The following SGPL1 variants were observed in gnomAD, a reference collection of about 807,000 sequenced individuals.
SGPL1 encodes the protein sphingosine-1-phosphate lyase 1.
SGPL1 carries 37 observed loss-of-function variants against 68.9 expected under a neutral mutation model. That is an observed-to-expected ratio of 0.54 (90% CI 0.41 to 0.71). SGPL1 has a LOEUF of 0.71. Ranked by LOEUF, SGPL1 falls within the 30% of genes least tolerant of loss-of-function variation. The pLI is 0.00. For missense variants in SGPL1, 551 were observed against 704.6 expected, an observed-to-expected ratio of 0.78 and a Z score of 2.47; for synonymous variants, 236 against 248.5, an observed-to-expected ratio of 0.95 and a Z score of 0.47.
chr10:70,839,480 GC>G (rs1845683158), intron 2 of SGPL1, among the ~76,000 whole-genome samples: 1 of 151,902 alleles, frequency 6.6e-6, no homozygotes, highest in Non-Finnish European at 1.5e-5. Context: ...CCCCTTCCCT[GC>G]CCAGGCACAC....
chr10:70,834,381 C>T (rs1275536699), intron 2 of SGPL1, among the ~76,000 whole-genome samples: 1 of 152,142 alleles, frequency 6.6e-6, no homozygotes, highest in Non-Finnish European at 1.5e-5. Context: ...TAGTTTGAAA[C>T]CAGGGAAGGC....
intron 2 of SGPL1, 106 bp from the exon 3 acceptor site, chr10:70,844,367 C>G: frequency 3.0e-6 from 3 of 986,696 alleles, no homozygotes. Flanking sequence ...AGGGCAAGAT[C>G]CGGAATGACC....
chr10:70,821,815 C>G (rs1439164378), intron 2 of SGPL1, among the ~76,000 whole-genome samples: 2 of 152,084 alleles, frequency 1.3e-5, no homozygotes, highest in Non-Finnish European at 2.9e-5. Flanking sequence ...GTTAACGTGT[C>G]TGTTATTGTC....
At chr10:70,853,664 T>C (rs1845920485) in intron 4 of SGPL1, among the ~76,000 whole-genome samples, 1 of 152,086 alleles carries the variant, frequency 6.6e-6, no homozygotes, top group Non-Finnish European at 1.5e-5. Context: ...GAATATGCAG[T>C]GAATATGAAT....
rs984381966 is a variant in SGPL1 at position 70,880,882 on chromosome 10, T to A, written c.*3547T>A. ...AGGAAGTCGTGTCTGGGGTGCTTATTGCTGCTCCATACAGCTGTACGTCAG... is the reference window on the plus strand; with the variant it reads ...AGGAAGTCGTGTCTGGGGTGCTTATAGCTGCTCCATACAGCTGTACGTCAG... On this transcript the variant is annotated 3_prime_UTR_variant, in exon 15 of 15. Transcript: ENST00000373202. 4 of 152,170 alleles carry A rather than the reference T, an allele frequency of 2.6e-5. No homozygotes were observed. Among genetic ancestry groups the A allele is most frequent in the African/African-American group, 9.7e-5 (4 of 41,438 alleles). 9.4% of individuals were successfully genotyped at this position (152,170 alleles called of 1,614,324 possible). A position where few individuals can be genotyped will look rare whatever the true frequency, so the allele number is the denominator to read the frequency against.
intron 2 of SGPL1, among the ~76,000 whole-genome samples, chr10:70,841,291 C>G (rs1158847658): frequency 6.6e-6 from 1 of 152,082 alleles, no homozygotes; most frequent in Non-Finnish European, 1.5e-5. Flanking sequence ...ATGTTAATTA[C>G]CTTATACCAC....
intron 4 of SGPL1, among the ~76,000 whole-genome samples, 194 bp downstream of exon 4, chr10:70,851,404 C>A (rs528585385): frequency 4.6e-5 from 7 of 151,454 alleles, no homozygotes; most frequent in African/African-American, 1.7e-4. Context: ...TGTAATGGAT[C>A]GTGTCCAGAA....
At position 70,880,864 on chromosome 10, in the gene SGPL1, C is replaced by G. The variant is rs929600290; in HGVS notation, c.*3529C>G. On this transcript the variant is annotated 3_prime_UTR_variant, in exon 15 of 15. Transcript: ENST00000373202. The stretch of plus-strand genomic sequence containing the variant: ...AGGAGGCCTGGCTTATCTAGGAAGT[C>G]GTGTCTGGGGTGCTTATTGCTGCTC... 2.0e-5 allele frequency: 3 copies of G among 152,130 alleles called. No individual in the cohort carries two copies. The highest frequency in any genetic ancestry group is 4.4e-5 in the Non-Finnish European group (3 of 68,032). 9.4% of individuals were successfully genotyped at this position (152,130 alleles called of 1,614,324 possible).
At chr10:70,864,070 A>C (rs1424288455) in intron 7 of SGPL1, among the ~76,000 whole-genome samples, 1 of 133,610 alleles carries the variant, frequency 7.5e-6, no homozygotes, top group African/African-American at 2.7e-5. Flanking sequence ...GATAGGTTTA[A>C]ATTTTTTTTT....
At chr10:70,876,938 A>T (rs1196826884) in intron 14 of SGPL1, among the ~76,000 whole-genome samples, 2 of 152,216 alleles carry the variant, frequency 1.3e-5, no homozygotes, top group Non-Finnish European at 2.9e-5. Flanking sequence ...TTGTCACAGG[A>T]AAGATAGTAA....
At chr10:70,851,307 AT>A in intron 4 of SGPL1, 97 bp downstream of exon 4, 1 of 1,076,378 alleles carries the variant, frequency 9.3e-7, no homozygotes. Flanking sequence ...TGGAGGGGTG[AT>A]TTTGTCTCTT....
Position 70,844,619 on chromosome 10 carries a change from GTT to G in SGPL1, c.176_177del (p.Phe59CysfsTer12). The G allele has an allele frequency of 6.2e-7, 1 of 1,614,036 alleles. No individual in the cohort carries two copies. Among genetic ancestry groups the G allele is most frequent in the Non-Finnish European group, 8.5e-7 (1 of 1,179,998 alleles). On this transcript the variant is annotated frameshift_variant, in exon 3 of 15. Transcript: ENST00000373202. LOFTEE classifies it high-confidence loss of function. ...WTLLIVWGYE[F>X]VFQPESLWSR... is the part of the protein sequence containing the mutation. The stretch of plus-strand genomic sequence containing the variant: ...CCCTGCTGATAGTCTGGGGATATGA[GTT>G]TGTCTTCCAGCCAGAGAGTAAGTAT...
intron 10 of SGPL1, 131 bp from the exon 11 acceptor site, chr10:70,871,706 T>G (rs1846300128): frequency 1.3e-6 from 1 of 791,522 alleles, no homozygotes; most frequent in East Asian, 2.6e-5. Context: ...AAATAGCCAT[T>G]TTTTAAAAAC....
chr10:70,871,622 T>C, intron 10 of SGPL1, among the ~76,000 whole-genome samples: 1 of 152,282 alleles, frequency 6.6e-6, no homozygotes, highest in Middle Eastern at 3.4e-3. Flanking sequence ...AAATATAAAA[T>C]TGATACCATA....
intron 2 of SGPL1, among the ~76,000 whole-genome samples, chr10:70,827,812 T>C (rs1226018452): frequency 6.6e-6 from 1 of 152,216 alleles, no homozygotes; most frequent in Admixed American, 6.5e-5. Flanking sequence ...AGCTTCTTAA[T>C]GTCCCTCCCA....
intron 2 of SGPL1, among the ~76,000 whole-genome samples, chr10:70,824,307 A>G (rs985763511): frequency 6.6e-6 from 1 of 152,250 alleles, no homozygotes; most frequent in Non-Finnish European, 1.5e-5. Context: ...AGCTAATCTG[A>G]GTGAAACAAA....
intron 2 of SGPL1, among the ~76,000 whole-genome samples, chr10:70,817,278 C>G (rs1287996670): frequency 1.3e-5 from 2 of 152,168 alleles, no homozygotes; most frequent in African/African-American, 4.8e-5. Flanking sequence ...CTTGGCCTCC[C>G]GAAGTGCTGG....
chr10:70,854,815 A>C lies in SGPL1; in HGVS notation c.369A>C (p.Ser123=), dbSNP rs376251973. The stretch of plus-strand genomic sequence containing the variant: ...CTTTACCCTCCCAGGGTCTGAGCTC[A>C]TCTGCTGTTTTGGAGAAACTTAAGG... ...VKALPSQGLS[S]SAVLEKLKEY... The change falls in exon 5 of 15, where the codon TCA becomes TCC. Residue 123 remains serine (S), a synonymous_variant. Coordinates refer to ENST00000373202, the MANE Select transcript of SGPL1 (RefSeq NM_003901.4). The C allele has an allele frequency of 2.5e-6, 4 of 1,613,410 alleles. No homozygotes were observed. Among genetic ancestry groups the C allele is most frequent in the South Asian group, 2.2e-5 (2 of 90,928 alleles).
chr10:70,869,965 A>T, intron 9 of SGPL1, 68 bp downstream of exon 9: 1 of 1,261,264 alleles, frequency 7.9e-7, no homozygotes, highest in Admixed American at 1.8e-5. Flanking sequence ...CCTGTTGACT[A>T]GCCGTTTCCA....
Sources: allele counts gnomAD v4.1 joint callset (sites outside exome capture counted in the v4.1 genomes callset), GRCh38; gene constraint gnomAD v4.1.1; transcripts MANE v1.5; gene names NCBI Gene and HGNC (gene_info 2026-07-23, HGNC 2026-07-21).